Variants in HSD17B12 observed in about 807,000 individuals in gnomAD.
HSD17B12 encodes very-long-chain 3-oxoacyl-CoA reductase.
In HSD17B12, 32 loss-of-function variants were observed where a neutral mutation model predicts 39.3. The observed-to-expected ratio is 0.81, with a 90% CI of 0.61 to 1.09. HSD17B12 has a LOEUF of 1.09. Among genes scored for constraint, HSD17B12 ranks in the 50% least tolerant of loss-of-function variants. The pLI is 0.00. For missense variants in HSD17B12, 342 were observed against 382.9 expected, an observed-to-expected ratio of 0.89 and a Z score of 0.89; for synonymous variants, 150 against 146.7, an observed-to-expected ratio of 1.02 and a Z score of -0.16.
intron 1 of HSD17B12, among the ~76,000 whole-genome samples, chr11:43,705,761 C>CTTTTTTTT (rs56979348): frequency 1.6e-5 from 1 of 62,452 alleles, no homozygotes; most frequent in African/African-American, 6.9e-5. Context: ...CCTCTCTCCT[C>CTTTTTTTT]TTTTTTTTTT....
intron 1 of HSD17B12, among the ~76,000 whole-genome samples, chr11:43,707,771 T>TCC (rs201153224): frequency 6.6e-6 from 1 of 152,342 alleles, no homozygotes; most frequent in East Asian, 1.9e-4. Flanking sequence ...CTGTTATTTT[T>TCC]CCCGCACTTG....
At chr11:43,767,910 T>G (rs1950609850) in intron 3 of HSD17B12, among the ~76,000 whole-genome samples, 1 of 152,234 alleles carries the variant, frequency 6.6e-6, no homozygotes, top group East Asian at 1.9e-4. Context: ...TGTAAATACA[T>G]TTAACTTTTA....
the HSD17B12 span, among the ~76,000 whole-genome samples, chr11:43,671,638 A>G: frequency 3.3e-5 from 5 of 152,264 alleles, no homozygotes; most frequent in Non-Finnish European, 7.3e-5. Flanking sequence ...AGATTTCACT[A>G]TGATATTTTT....
rs117502724 is a variant in HSD17B12, at chr11:43,804,675, G to A, written c.391+6248G>A. 8.5e-5 allele frequency among the ~76,000 whole-genome samples: 13 copies of A among 152,264 alleles called. No individual in the cohort carries two copies. The East Asian group carries it at 2.5e-3, about 29-fold the overall frequency. On this transcript the variant is annotated intron_variant, in intron 4 of 10. Coordinates refer to ENST00000278353, the MANE Select transcript of HSD17B12 (RefSeq NM_016142.3). ...CATTAAACCTTATGGATTTGGGGAAGCAATTGTGTTGCATTTTTCTCCCGA... is the reference window on the plus strand; with the variant it reads ...CATTAAACCTTATGGATTTGGGGAAACAATTGTGTTGCATTTTTCTCCCGA...
the HSD17B12 span, among the ~76,000 whole-genome samples, chr11:43,664,217 A>C: frequency 6.6e-6 from 1 of 152,202 alleles, no homozygotes; most frequent in Non-Finnish European, 1.5e-5. Context: ...TATGGAGGTT[A>C]TACATTGGTT....
the HSD17B12 span, among the ~76,000 whole-genome samples, chr11:43,658,296 G>GT: frequency 6.8e-4 from 103 of 151,962 alleles, no homozygotes; most frequent in African/African-American, 2.2e-3. Context: ...CATTCGTCTA[G>GT]TTTTTTTTCA....
At chr11:43,753,384 C>CT (rs59565155) in intron 2 of HSD17B12, among the ~76,000 whole-genome samples, 6 of 73,350 alleles carry the variant, frequency 8.2e-5, no homozygotes, top group East Asian at 3.5e-4. Flanking sequence ...GCAGCAAAAA[C>CT]TTTTTTTTTT....
At chr11:43,782,188 G>A (rs1216941991) in intron 3 of HSD17B12, among the ~76,000 whole-genome samples, 2 of 152,106 alleles carry the variant, frequency 1.3e-5, no homozygotes, top group Non-Finnish European at 2.9e-5. Context: ...ACCAAGTGAA[G>A]GTCACAAATA....
chr11:43,657,592 G>A, the HSD17B12 span, among the ~76,000 whole-genome samples: 1 of 152,066 alleles, frequency 6.6e-6, no homozygotes, highest in African/African-American at 2.4e-5. Context: ...TTTAGGGCAG[G>A]CCTGGTGGTG....
the HSD17B12 span, among the ~76,000 whole-genome samples, chr11:43,583,687 G>C: frequency 6.6e-6 from 1 of 151,878 alleles, no homozygotes; most frequent in Admixed American, 6.6e-5. Context: ...AAGTGGGGGG[G>C]GGTGCCTCTA....
the HSD17B12 span, among the ~76,000 whole-genome samples, chr11:43,661,764 AT>A: frequency 1.2e-4 from 18 of 152,222 alleles, no homozygotes; most frequent in Admixed American, 1.2e-3. Flanking sequence ...GAAAAAGGAC[AT>A]TATTTAAATC....
At chr11:43,762,909 C>T (rs541746805) in intron 3 of HSD17B12, among the ~76,000 whole-genome samples, 23 of 152,158 alleles carry the variant, frequency 1.5e-4, no homozygotes, top group African/African-American at 5.3e-4. Context: ...TTACACCTTG[C>T]CTACACATAA....
chr11:43,714,803 G>A (rs1950105635), intron 1 of HSD17B12, among the ~76,000 whole-genome samples: 1 of 152,138 alleles, frequency 6.6e-6, no homozygotes, highest in South Asian at 2.1e-4. Context: ...ATTTCGTTGA[G>A]CAGTGGTTTG....
Position 43,749,889 on chromosome 11 carries a change from C to T in HSD17B12, c.161-1022C>T, listed in dbSNP as rs370752367. ...ATTTAGAGAATTTGGGGAGGCATCC[C>T]TTTTTGAAGCAGACATCTGTGCTTT... On this transcript the variant is annotated intron_variant, in intron 1 of 10. Transcript: ENST00000278353. 1.6e-4 allele frequency among the ~76,000 whole-genome samples: 25 copies of T among 152,072 alleles called. No individual in the cohort carries two copies. The East Asian group carries it at 2.9e-3, about 18-fold the overall frequency.
intron 1 of HSD17B12, among the ~76,000 whole-genome samples, chr11:43,707,809 T>G (rs1215747063): frequency 6.6e-6 from 1 of 152,222 alleles, no homozygotes; most frequent in African/African-American, 2.4e-5. Context: ...AAGTGGACTA[T>G]CTAACAAAAA....
chr11:43,751,945 T>C (rs746878836), intron 2 of HSD17B12, among the ~76,000 whole-genome samples: 6 of 152,216 alleles, frequency 3.9e-5, no homozygotes, highest in Non-Finnish European at 7.3e-5. Flanking sequence ...ACAGCCCTTA[T>C]GCAGGTTTCC....
intron 1 of HSD17B12, among the ~76,000 whole-genome samples, chr11:43,730,935 G>A (rs1950261551): frequency 6.6e-6 from 1 of 152,108 alleles, no homozygotes; most frequent in Non-Finnish European, 1.5e-5. Context: ...GTGAGACAGA[G>A]TGAATAAAAT....
chr11:43,689,069 T>C (rs1219888750), intron 1 of HSD17B12, among the ~76,000 whole-genome samples: 2 of 152,196 alleles, frequency 1.3e-5, no homozygotes, highest in South Asian at 2.1e-4. Context: ...AGATGACTAG[T>C]GCTACTGCAG....
chr11:43,665,215 T>A, the HSD17B12 span, among the ~76,000 whole-genome samples: 896 of 152,300 alleles, frequency 5.9e-3, 7 homozygotes, highest in African/African-American at 0.021. Context: ...TGTTTTTCCC[T>A]AACTAAAACT....
Sources: gnomAD v4.1 joint callset for allele counts (sites outside exome capture counted in the v4.1 genomes callset) on GRCh38, gnomAD v4.1.1 for gene constraint, MANE v1.5 for transcripts, NCBI Gene and HGNC (gene_info 2026-07-23, HGNC 2026-07-21) for gene names.